Variants in EPC2 observed in about 807,000 individuals in gnomAD.
The protein encoded by EPC2 is enhancer of polycomb 2.
EPC2 carries 14 observed loss-of-function variants against 92.1 expected under a neutral mutation model. The ratio of observed to expected loss-of-function variants is 0.15; its 90% CI spans 0.10 to 0.24. The LOEUF is 0.24. EPC2 is among the 10% of genes least tolerant of loss of function. The pLI is 1.00. For synonymous variants in EPC2, 340 were observed against 334.7 expected, an observed-to-expected ratio of 1.02 and a Z score of -0.17; for missense variants, 755 against 971.5, an observed-to-expected ratio of 0.78 and a Z score of 2.96.
intron 2 of EPC2, among the ~76,000 whole-genome samples, chr2:148,710,383 A>G (rs187995539): frequency 8.4e-4 from 128 of 152,334 alleles, no homozygotes; most frequent in African/African-American, 3.1e-3. Flanking sequence ...AAATAGGAAC[A>G]CTTTTACACT....
intron 4 of EPC2, among the ~76,000 whole-genome samples, chr2:148,760,619 C>G (rs1331975368): frequency 6.6e-6 from 1 of 152,172 alleles, no homozygotes; most frequent in East Asian, 1.9e-4. Context: ...TTTAGATTTA[C>G]CTTTTGTCAT....
rs1345889580 is a variant in EPC2, at chr2:148,775,731, TTAAA to T, written c.1720+4347_1720+4350del. ...TTATTAAATAAAAAATTAAATATCTTTAAATATCTTTAAATATTTAAAGAAATAT... is the reference window on the plus strand; with the variant it reads ...TTATTAAATAAAAAATTAAATATCTTTATCTTTAAATATTTAAAGAAATAT... On this transcript the variant is annotated intron_variant, in intron 10 of 13. Coordinates refer to ENST00000258484, the MANE Select transcript of EPC2 (RefSeq NM_015630.4). 6.8e-5 allele frequency among the ~76,000 whole-genome samples: 10 copies of T among 147,610 alleles called. No homozygotes were observed. The East Asian group carries it at 1.8e-3, about 26-fold the overall frequency.
intron 1 of EPC2, among the ~76,000 whole-genome samples, chr2:148,688,491 A>G (rs1452674141): frequency 6.6e-6 from 1 of 152,202 alleles, no homozygotes; most frequent in Non-Finnish European, 1.5e-5. Context: ...GCAGCACACC[A>G]ACATGGCACA....
chr2:148,649,673 C>T (rs1433763803), intron 1 of EPC2, among the ~76,000 whole-genome samples: 4 of 152,168 alleles, frequency 2.6e-5, no homozygotes, highest in Non-Finnish European at 4.4e-5. Flanking sequence ...GCTGAAAGGT[C>T]TTGCTGCTAG....
At chr2:148,645,203 C>T (rs1683768159) in intron 1 of EPC2, 33 bp downstream of exon 1, 5 of 1,498,562 alleles carry the variant, frequency 3.3e-6, no homozygotes, top group Non-Finnish European at 4.5e-6. Context: ...CCCCCCCTTC[C>T]CTCCTCCCCC....
intron 2 of EPC2, among the ~76,000 whole-genome samples, chr2:148,704,801 A>G (rs1233525598): frequency 6.6e-6 from 1 of 152,140 alleles, no homozygotes. Context: ...AGCTTTGCAT[A>G]TTGTGGCCAC....
intron 2 of EPC2, among the ~76,000 whole-genome samples, chr2:148,717,743 C>T (rs1362868833): frequency 6.6e-6 from 1 of 152,138 alleles, no homozygotes; most frequent in African/African-American, 2.4e-5. Flanking sequence ...GTGGAGAGTT[C>T]TATAGGTATT....
intron 2 of EPC2, among the ~76,000 whole-genome samples, chr2:148,733,058 C>T (rs1244308916): frequency 8.4e-6 from 1 of 119,436 alleles, no homozygotes; most frequent in Non-Finnish European, 1.8e-5. Flanking sequence ...CTTTTTAGAG[C>T]TAGTCAATCC....
intron 1 of EPC2, among the ~76,000 whole-genome samples, chr2:148,676,416 G>C (rs75866717): frequency 6.6e-6 from 1 of 151,560 alleles, no homozygotes; most frequent in Non-Finnish European, 1.5e-5. Context: ...CAATTAAAAT[G>C]CAATATTTTT....
At chr2:148,771,489 T>A in intron 10 of EPC2, 102 bp downstream of exon 10, 1 of 1,123,818 alleles carries the variant, frequency 8.9e-7, no homozygotes, top group Non-Finnish European at 1.3e-6. Context: ...TTTTCCAACC[T>A]AAGAAACAAA....
intron 2 of EPC2, among the ~76,000 whole-genome samples, chr2:148,740,965 T>C (rs558719071): frequency 6.6e-6 from 1 of 152,282 alleles, no homozygotes; most frequent in African/African-American, 2.4e-5. Context: ...GAGCTCTGTA[T>C]CATTTTGTCA....
At chr2:148,680,768 G>A (rs1333919649) in intron 1 of EPC2, among the ~76,000 whole-genome samples, 2 of 152,198 alleles carry the variant, frequency 1.3e-5, no homozygotes, top group African/African-American at 4.8e-5. Context: ...AGATTTTCAT[G>A]AATTTGAAGA....
chr2:148,705,160 TTAA>T (rs1681968007), intron 2 of EPC2, among the ~76,000 whole-genome samples: 1 of 152,130 alleles, frequency 6.6e-6, no homozygotes, highest in African/African-American at 2.4e-5. Context: ...TATAACCAAA[TTAA>T]TAATAATTCC....
chr2:148,654,624 C>T (rs939212270), intron 1 of EPC2, among the ~76,000 whole-genome samples: 4 of 152,144 alleles, frequency 2.6e-5, no homozygotes, highest in African/African-American at 2.4e-5. Context: ...CGCCACTGCA[C>T]GCCAGCCTGG....
At chr2:148,743,869 T>C (rs1248410542) in intron 3 of EPC2, 102 bp downstream of exon 3, 7 of 891,914 alleles carry the variant, frequency 7.8e-6, no homozygotes, top group Admixed American at 3.7e-5. Flanking sequence ...GGATTTCTTT[T>C]CCTGACATCC....
In EPC2 at chr2:148,711,480, T is replaced by C. The variant is rs537937653; in HGVS notation, c.313+21107T>C. ...ATCATTTCTACTCTCATAAAATTTA[T>C]TATTTTTTTATGGCTCAGAATGTGG... On this transcript the variant is annotated intron_variant, in intron 2 of 13. Transcript: ENST00000258484. Among the ~76,000 whole-genome samples the C allele has an allele frequency of 6.6e-5, 10 of 152,314 alleles. 1 individual carries two copies. The South Asian group carries it at 2.1e-3, about 32-fold the overall frequency.
At chr2:148,651,499 G>T (rs1453272748) in intron 1 of EPC2, among the ~76,000 whole-genome samples, 1 of 152,170 alleles carries the variant, frequency 6.6e-6, no homozygotes, top group Non-Finnish European at 1.5e-5. Flanking sequence ...TGGAGATTAG[G>T]TTGGAAAAAA....
chr2:148,706,484 G>A (rs1169452088), intron 2 of EPC2, among the ~76,000 whole-genome samples: 1 of 152,060 alleles, frequency 6.6e-6, no homozygotes, highest in African/African-American at 2.4e-5. Flanking sequence ...TCAAATTCAG[G>A]AAATACAGAG....
At chr2:148,647,984 G>A (rs567434528) in intron 1 of EPC2, among the ~76,000 whole-genome samples, 3 of 152,318 alleles carry the variant, frequency 2.0e-5, no homozygotes, top group African/African-American at 7.2e-5. Context: ...TCAAACTAGA[G>A]CATGAGTGCT....
Sources: gnomAD v4.1 joint callset for allele counts (sites outside exome capture counted in the v4.1 genomes callset) on GRCh38, gnomAD v4.1.1 for gene constraint, MANE v1.5 for transcripts, NCBI Gene and HGNC (gene_info 2026-07-23, HGNC 2026-07-21) for gene names.